The following CSMD1 variants were observed in gnomAD, a reference collection of about 807,000 sequenced individuals.
CSMD1 encodes the protein CUB and sushi domain-containing protein 1.
Under a neutral mutation model 417.5 loss-of-function variants are expected in CSMD1, and 213 were observed. The observed-to-expected ratio is 0.51, with a 90% CI of 0.46 to 0.57. CSMD1 has a LOEUF of 0.57. Ranked by LOEUF, CSMD1 falls within the 20% of genes least tolerant of loss-of-function variation. CSMD1 has a pLI of 0.00. For missense variants in CSMD1, 6,923 were observed against 4,529.7 expected (o/e 1.53, Z -15.17); for synonymous variants, 2,862 against 1,736.8 (o/e 1.65, Z -16.11).
At chr8:4,492,511 A>G (rs1278791729) in intron 2 of CSMD1, among the ~76,000 whole-genome samples, 1 of 152,194 alleles carries the variant, frequency 6.6e-6, no homozygotes, top group Non-Finnish European at 1.5e-5. Flanking sequence ...TTTAAACCAC[A>G]TCTGATCATT....
chr8:3,311,582 C>G (rs747647624), intron 23 of CSMD1, among the ~76,000 whole-genome samples: 1 of 152,148 alleles, frequency 6.6e-6, no homozygotes, highest in Non-Finnish European at 1.5e-5. Context: ...AAGCTTTATG[C>G]TAGACGATTT....
intron 68 of CSMD1, among the ~76,000 whole-genome samples, chr8:2,947,778 G>T (rs895992826): frequency 1.3e-5 from 2 of 151,926 alleles, no homozygotes; most frequent in Non-Finnish European, 2.9e-5. Flanking sequence ...CATTAGTGTT[G>T]GTCTAATGCA....
intron 40 of CSMD1, among the ~76,000 whole-genome samples, chr8:3,146,960 C>G (rs1818884185): frequency 6.6e-6 from 1 of 152,058 alleles, no homozygotes; most frequent in African/African-American, 2.4e-5. Context: ...TTCATAATAC[C>G]CAATAAAATC....
In CSMD1 at chr8:4,106,543, G is replaced by C. The variant is rs560956653; in HGVS notation, c.416-74444C>G. Among the ~76,000 whole-genome samples, 5 of 152,138 alleles carry C rather than the reference G, an allele frequency of 3.3e-5. No homozygotes were observed. In the South Asian group the frequency reaches 6.2e-4, roughly 19 times the overall value. ...CTCCTATGATATTTTAAATTTAAGA[G>C]AAGCCACATTAAAAAACTAAAAATG... On this transcript the variant is annotated intron_variant, in intron 3 of 69. Coordinates refer to ENST00000635120, the MANE Select transcript of CSMD1 (RefSeq NM_033225.6).
rs776721276 is a variant in CSMD1 at position 4,551,854 on chromosome 8, AT to A, written c.302+85487del. Among the ~76,000 whole-genome samples the A allele has an allele frequency of 6.0e-3, 837 of 139,220 alleles. 5 individuals are homozygous for A. The highest frequency in any genetic ancestry group is 0.028 in the South Asian group (122 of 4,320). The allele number at this position is 139,220 out of a possible 152,430, so 91.3% of individuals were successfully genotyped here. A position where few individuals can be genotyped will look rare whatever the true frequency, so the allele number is the denominator to read the frequency against. On this transcript the variant is annotated intron_variant, in intron 2 of 69. Transcript: ENST00000635120. ...CCACTACACATGGCTAATTTTTTGT[AT>A]TTTTTTTTTTTTTGTAGAGATGGGG...
chr8:4,063,081 T>C (rs1799064015), intron 3 of CSMD1, among the ~76,000 whole-genome samples: 1 of 152,148 alleles, frequency 6.6e-6, no homozygotes, highest in Non-Finnish European at 1.5e-5. Flanking sequence ...AGAAAAACGT[T>C]CTAATGTTTG....
intron 5 of CSMD1, among the ~76,000 whole-genome samples, chr8:3,903,107 G>C (rs916394090): frequency 2.0e-5 from 3 of 152,218 alleles, no homozygotes; most frequent in Admixed American, 6.5e-5. Flanking sequence ...TGCTGAGCTA[G>C]GTGGAGACCT....
intron 48 of CSMD1, 80 bp from the exon 49 acceptor site, chr8:3,087,365 A>T (rs1456624521): frequency 1.4e-6 from 2 of 1,389,936 alleles, no homozygotes; most frequent in African/African-American, 2.9e-5. Context: ...GAGAGTCTAT[A>T]AATGAATGGC....
intron 8 of CSMD1, among the ~76,000 whole-genome samples, chr8:3,614,626 G>C (rs1293584263): frequency 6.6e-6 from 1 of 152,122 alleles, no homozygotes; most frequent in African/African-American, 2.4e-5. Context: ...TCAGATATGA[G>C]TTAATTTGTT....
At chr8:3,209,263 G>C (rs184441663) in intron 30 of CSMD1, among the ~76,000 whole-genome samples, 1 of 150,224 alleles carries the variant, frequency 6.7e-6, no homozygotes, top group South Asian at 2.1e-4. Context: ...GAAAAATATG[G>C]ATAGAATTTT....
chr8:3,384,917 T>C (rs1254631032), intron 18 of CSMD1, among the ~76,000 whole-genome samples: 2 of 121,688 alleles, frequency 1.6e-5, no homozygotes, highest in Non-Finnish European at 3.1e-5. Context: ...GCTTATATAT[T>C]ACATATGCTA....
chr8:4,374,977 T>G (rs1382085319), intron 3 of CSMD1, among the ~76,000 whole-genome samples: 31 of 40,626 alleles, frequency 7.6e-4, no homozygotes, highest in African/African-American at 1.1e-3. Flanking sequence ...GGGGGGGCGA[T>G]AGTGGGGGTA....
At chr8:4,163,338 C>T (rs903335183) in intron 3 of CSMD1, among the ~76,000 whole-genome samples, 1 of 152,146 alleles carries the variant, frequency 6.6e-6, no homozygotes, top group African/African-American at 2.4e-5. Context: ...TGTTCCATTT[C>T]GCATTCCCAT....
chr8:3,765,076 T>C (rs911367124), intron 5 of CSMD1, among the ~76,000 whole-genome samples: 1 of 152,182 alleles, frequency 6.6e-6, no homozygotes, highest in Non-Finnish European at 1.5e-5. Flanking sequence ...ATATTTTTCA[T>C]AGCTTTCAAA....
In CSMD1 at chr8:3,219,273, A is replaced by C. The variant is rs1371535883; in HGVS notation, c.4654T>G (p.Phe1552Val). 6.3e-7 allele frequency: 1 copy of C among 1,593,872 alleles called. No homozygotes were observed. The highest frequency in any genetic ancestry group is 1.1e-5 in the South Asian group (1 of 87,926). Residue 1552 changes from phenylalanine to valine, a missense_variant, in exon 29 of 70, where the codon TTC becomes GTC. Transcript: ENST00000635120. The stretch of plus-strand genomic sequence containing the variant: ...GCAATACCTTTAAATTCAATGGCGA[A>C]CCCTGAAAGGCCCACGGAGGCATCA... ...RSDASVGLSG[F>V]AIEFKEKPRE... is the part of the protein sequence containing the mutation.
At chr8:4,580,949 T>G (rs1799386793) in intron 2 of CSMD1, among the ~76,000 whole-genome samples, 1 of 152,156 alleles carries the variant, frequency 6.6e-6, no homozygotes, top group Non-Finnish European at 1.5e-5. Context: ...CACTTTTAGG[T>G]GAAAAGATAG....
In CSMD1 at chr8:3,428,293, A is replaced by G. The variant is rs141701969; in HGVS notation, c.1562-18688T>C. 8.2e-3 allele frequency among the ~76,000 whole-genome samples: 1,242 copies of G among 152,334 alleles called. 16 individuals carry two copies. Among genetic ancestry groups the G allele is most frequent in the African/African-American group, 0.028 (1,172 of 41,572 alleles). On this transcript the variant is annotated intron_variant, in intron 12 of 69. Transcript: ENST00000635120. ...AAAACAAACAAACGGCTCTGCAGCC[A>G]GAACTGCTTCCTTATTCAGAGACGA...
chr8:3,287,549 A>T (rs527258700), intron 25 of CSMD1, among the ~76,000 whole-genome samples: 11 of 143,036 alleles, frequency 7.7e-5, no homozygotes, highest in Admixed American at 6.4e-4. Flanking sequence ...TAGGTATTTT[A>T]TTCTCTTTGA....
chr8:4,135,164 A>C (rs185291242), intron 3 of CSMD1, among the ~76,000 whole-genome samples: 36 of 152,252 alleles, frequency 2.4e-4, no homozygotes, highest in African/African-American at 8.4e-4. Flanking sequence ...AATCACTATA[A>C]AATTTTCATT....
Sources: allele counts gnomAD v4.1 joint callset (sites outside exome capture counted in the v4.1 genomes callset), GRCh38; gene constraint gnomAD v4.1.1; transcripts MANE v1.5; gene names NCBI Gene and HGNC (gene_info 2026-07-23, HGNC 2026-07-21).